The following RCAN2 variants were observed in gnomAD, a reference collection of about 807,000 sequenced individuals.
The protein encoded by RCAN2 is calcipressin-2.
A neutral mutation model predicts 23.6 loss-of-function variants in RCAN2; 9 were observed. The observed-to-expected ratio is 0.38, with a 90% CI of 0.23 to 0.67. The LOEUF is 0.67. Among genes scored for constraint, RCAN2 ranks in the 30% least tolerant of loss-of-function variants. The probability of loss-of-function intolerance (pLI) is 0.51; values close to 1 mark genes in which losing one functional copy is unlikely to be tolerated. For synonymous variants in RCAN2, 109 were observed against 115.7 expected (o/e 0.94, Z 0.37); for missense variants, 273 against 302.3 (o/e 0.90, Z 0.72).
intron 2 of RCAN2, among the ~76,000 whole-genome samples, chr6:46,277,058 A>G (rs1190674558): frequency 6.6e-6 from 1 of 152,274 alleles, no homozygotes; most frequent in Non-Finnish European, 1.5e-5. Context: ...CAAGGGCAAG[A>G]ATAAAACATT....
chr6:46,305,016 A>G (rs1196632278), intron 2 of RCAN2, among the ~76,000 whole-genome samples: 1 of 152,128 alleles, frequency 6.6e-6, no homozygotes, highest in African/African-American at 2.4e-5. Flanking sequence ...ATCACTTCAT[A>G]GTCTCCTAGT....
intron 2 of RCAN2, among the ~76,000 whole-genome samples, chr6:46,419,394 T>C (rs901908528): frequency 1.3e-5 from 2 of 152,136 alleles, no homozygotes; most frequent in Non-Finnish European, 2.9e-5. Context: ...CTCCCAATAT[T>C]CCAACTTCTT....
At chr6:46,332,497 C>T (rs1764008932) in intron 2 of RCAN2, among the ~76,000 whole-genome samples, 1 of 124,334 alleles carries the variant, frequency 8.0e-6, no homozygotes, top group Non-Finnish European at 1.6e-5. Flanking sequence ...GTGTGATGTT[C>T]CCCTTCCTGT....
intron 2 of RCAN2, among the ~76,000 whole-genome samples, chr6:46,372,664 C>T (rs1481336427): frequency 1.3e-5 from 2 of 152,106 alleles, no homozygotes; most frequent in Non-Finnish European, 2.9e-5. Context: ...CAGAAAGTGC[C>T]CTTGTCAATT....
intron 2 of RCAN2, among the ~76,000 whole-genome samples, chr6:46,355,806 G>C (rs958834282): frequency 6.6e-6 from 1 of 152,172 alleles, no homozygotes; most frequent in African/African-American, 2.4e-5. Context: ...TATCTCCTGA[G>C]GTAGATCCAC....
chr6:46,344,548 C>CA (rs1243593960), intron 2 of RCAN2, among the ~76,000 whole-genome samples: 3 of 151,776 alleles, frequency 2.0e-5, no homozygotes, highest in African/African-American at 7.3e-5. Flanking sequence ...AAATATATGA[C>CA]AAAACACAAA....
At chr6:46,422,890 A>T (rs1766921522) in intron 2 of RCAN2, among the ~76,000 whole-genome samples, 1 of 152,214 alleles carries the variant, frequency 6.6e-6, no homozygotes, top group Non-Finnish European at 1.5e-5. Flanking sequence ...GAGGAGGTGA[A>T]GAGAATAAAC....
chr6:46,239,109 A>G (rs915566207), intron 4 of RCAN2, among the ~76,000 whole-genome samples: 2 of 152,220 alleles, frequency 1.3e-5, no homozygotes, highest in Non-Finnish European at 2.9e-5. Context: ...CTATGTTTCA[A>G]TCATCATCCT....
chr6:46,468,408 T>G (rs1479299557), intron 1 of RCAN2, among the ~76,000 whole-genome samples: 1 of 152,132 alleles, frequency 6.6e-6, no homozygotes, highest in African/African-American at 2.4e-5. Context: ...TAATCACAAT[T>G]TTCCAACTTA....
intron 2 of RCAN2, among the ~76,000 whole-genome samples, chr6:46,345,409 T>C (rs988610331): frequency 9.2e-5 from 14 of 152,154 alleles, no homozygotes; most frequent in Non-Finnish European, 2.1e-4. Flanking sequence ...TTGATAATTA[T>C]AGAACACGGT....
At chr6:46,466,811 G>A (rs1411177745) in intron 1 of RCAN2, among the ~76,000 whole-genome samples, 4 of 152,102 alleles carry the variant, frequency 2.6e-5, no homozygotes, top group African/African-American at 7.2e-5. Context: ...TAACAATAGC[G>A]GCAGGAGCAG....
rs373175198 is a variant in RCAN2, at chr6:46,424,286, GA to G, written c.225+32465del. ...ATCATCACATTCATGTTACACATGA[GA>G]AAACTGAAGCACAGAAAGCTTAAGC... is the stretch of plus-strand genomic sequence containing the variant. On this transcript the variant is annotated intron_variant, in intron 2 of 4. Transcript: ENST00000371374. 8.0e-4 allele frequency among the ~76,000 whole-genome samples: 122 copies of G among 152,274 alleles called. 1 individual carries two copies. Among genetic ancestry groups the G allele is most frequent in the African/African-American group, 2.8e-3 (117 of 41,550 alleles).
chr6:46,240,623 C>T (rs544645335), intron 4 of RCAN2, among the ~76,000 whole-genome samples: 12 of 152,184 alleles, frequency 7.9e-5, no homozygotes, highest in Non-Finnish European at 1.3e-4. Flanking sequence ...TCAGAGAATA[C>T]AGCAATTGCT....
chr6:46,442,312 G>A (rs1010334035), intron 2 of RCAN2, among the ~76,000 whole-genome samples: 4 of 152,170 alleles, frequency 2.6e-5, no homozygotes, highest in Non-Finnish European at 4.4e-5. Context: ...TGGCCCCCAC[G>A]ATGGTTGTGT....
chr6:46,315,287 A>G (rs1443138520), intron 2 of RCAN2, among the ~76,000 whole-genome samples: 1 of 152,196 alleles, frequency 6.6e-6, no homozygotes, highest in Non-Finnish European at 1.5e-5. Context: ...CCCTGCCCTC[A>G]TGAAGCTTGC....
At chr6:46,320,381 C>T (rs1424698299) in intron 2 of RCAN2, among the ~76,000 whole-genome samples, 2 of 152,158 alleles carry the variant, frequency 1.3e-5, no homozygotes, top group East Asian at 3.8e-4. Context: ...CATCCTTCTC[C>T]TCCTATCACT....
At chr6:46,269,533 C>T (rs4711846) in intron 2 of RCAN2, among the ~76,000 whole-genome samples, 119,363 of 152,176 alleles carry the variant, frequency 0.78, 47,122 homozygotes, top group Non-Finnish European at 0.83. Context: ...GTTTATCTCA[C>T]TAGTTATGTA....
At chr6:46,376,723 A>C (rs9395182) in intron 2 of RCAN2, among the ~76,000 whole-genome samples, 61,987 of 151,788 alleles carry the variant, frequency 0.41, 15,622 homozygotes, top group East Asian at 0.59. Flanking sequence ...AACAAAAAAA[A>C]AAAACACGGT....
chr6:46,261,700 A>C (rs1767114455), intron 2 of RCAN2, among the ~76,000 whole-genome samples: 1 of 152,190 alleles, frequency 6.6e-6, no homozygotes, highest in Non-Finnish European at 1.5e-5. Flanking sequence ...TGTCAGCAAA[A>C]TGTCTCCTAT....
Sources: allele counts gnomAD v4.1 joint callset (sites outside exome capture counted in the v4.1 genomes callset), GRCh38; gene constraint gnomAD v4.1.1; transcripts MANE v1.5; gene names NCBI Gene and HGNC (gene_info 2026-07-23, HGNC 2026-07-21).